ATP8A2: variants seen among roughly 807,000 people sequenced by gnomAD.
ATP8A2 encodes ATPase phospholipid transporting 8A2, also known as phospholipid-transporting ATPase IB.
Under a neutral mutation model 165.6 loss-of-function variants are expected in ATP8A2, and 100 were observed. That is an observed-to-expected ratio of 0.60 (90% CI 0.51 to 0.71). ATP8A2 has a LOEUF of 0.71. ATP8A2 is among the 30% of genes least tolerant of loss of function. The probability of loss-of-function intolerance (pLI) is 0.00; values close to 1 mark genes in which losing one functional copy is unlikely to be tolerated. For missense variants in ATP8A2, 1,227 were observed against 1,479.5 expected (o/e 0.83, Z 2.80); for synonymous variants, 543 against 548.8 (o/e 0.99, Z 0.15).
chr13:25,952,279 A>G (rs1309371374), intron 33 of ATP8A2, among the ~76,000 whole-genome samples: 3 of 152,128 alleles, frequency 2.0e-5, no homozygotes, highest in Non-Finnish European at 4.4e-5. Context: ...TGATTTCGGG[A>G]AATGAAGAAC....
chr13:25,957,133 A>G (rs1246768832), intron 33 of ATP8A2, among the ~76,000 whole-genome samples: 1 of 152,250 alleles, frequency 6.6e-6, no homozygotes, highest in Non-Finnish European at 1.5e-5. Flanking sequence ...AAGATGGATT[A>G]AAGACTTAAA....
intron 1 of ATP8A2, among the ~76,000 whole-genome samples, chr13:25,392,215 AG>A (rs1225872199): frequency 2.6e-5 from 4 of 152,282 alleles, no homozygotes; most frequent in African/African-American, 9.6e-5. Context: ...TTTGCACATC[AG>A]CACATGTCTG....
intron 33 of ATP8A2, among the ~76,000 whole-genome samples, chr13:25,914,792 G>A (rs888025020): frequency 6.6e-6 from 1 of 152,190 alleles, no homozygotes; most frequent in Non-Finnish European, 1.5e-5. Flanking sequence ...CCCCCATGGG[G>A]CTTCTGTCTG....
intron 10 of ATP8A2, 24 bp from the exon 11 acceptor site, chr13:25,551,313 AC>A (rs1424728792): frequency 6.2e-7 from 1 of 1,601,092 alleles, no homozygotes; most frequent in East Asian, 2.2e-5. Context: ...TGTGACCCTT[AC>A]TGACTTTCAA....
chr13:25,396,999 A>G (rs953568545), intron 1 of ATP8A2, among the ~76,000 whole-genome samples: 4 of 151,938 alleles, frequency 2.6e-5, no homozygotes, highest in South Asian at 2.1e-4. Flanking sequence ...CCCAAGGCGG[A>G]TGGAGTCTTG....
At chr13:25,954,396 G>C (rs1438318412) in intron 33 of ATP8A2, among the ~76,000 whole-genome samples, 1 of 152,210 alleles carries the variant, frequency 6.6e-6, no homozygotes, top group Non-Finnish European at 1.5e-5. Flanking sequence ...CCCTGGGACA[G>C]AGCACCTGGG....
In ATP8A2 at chr13:25,549,414, C is replaced by G. The variant is rs183748407; in HGVS notation, c.892-1924C>G. On this transcript the variant is annotated intron_variant, in intron 10 of 36. Coordinates refer to ENST00000381655, the MANE Select transcript of ATP8A2 (RefSeq NM_016529.6). ...GGCAGAGGTTGCAGTGAGCCGAGATCGCACCACTGCACTCCAGCCTGGGCA... is the reference window on the plus strand; with the variant it reads ...GGCAGAGGTTGCAGTGAGCCGAGATGGCACCACTGCACTCCAGCCTGGGCA... Among the ~76,000 whole-genome samples, 480 of 149,948 alleles carry G rather than the reference C, an allele frequency of 3.2e-3. 4 individuals are homozygous for G. The highest frequency in any genetic ancestry group is 0.011 in the African/African-American group (456 of 40,488).
At chr13:25,651,270 C>A (rs1347406605) in intron 24 of ATP8A2, among the ~76,000 whole-genome samples, 2 of 152,104 alleles carry the variant, frequency 1.3e-5, no homozygotes, top group Admixed American at 1.3e-4. Flanking sequence ...TGGTGAAAAC[C>A]CATCTCTACT....
chr13:25,640,128 C>T (rs888666084), intron 24 of ATP8A2, among the ~76,000 whole-genome samples: 4 of 151,990 alleles, frequency 2.6e-5, no homozygotes, highest in African/African-American at 7.2e-5. Context: ...ATTTATAGCA[C>T]TAAATGCCCA....
At chr13:25,753,863 A>C (rs879621574) in intron 25 of ATP8A2, among the ~76,000 whole-genome samples, 9 of 152,246 alleles carry the variant, frequency 5.9e-5, no homozygotes, top group Admixed American at 3.3e-4. Context: ...AGCATCTGGA[A>C]GAAATAGAAA....
intron 6 of ATP8A2, among the ~76,000 whole-genome samples, chr13:25,536,447 A>C (rs2038288665): frequency 6.6e-6 from 1 of 152,204 alleles, no homozygotes; most frequent in Non-Finnish European, 1.5e-5. Flanking sequence ...AAACACTTTC[A>C]ATTGACATAA....
chr13:25,586,978 A>G (rs1384953786), intron 23 of ATP8A2, among the ~76,000 whole-genome samples: 1 of 152,188 alleles, frequency 6.6e-6, no homozygotes, highest in African/African-American at 2.4e-5. Flanking sequence ...AGAAAGACTA[A>G]ACCCTTTTGT....
intron 25 of ATP8A2, among the ~76,000 whole-genome samples, chr13:25,707,224 G>GA (rs999024875): frequency 4.2e-4 from 64 of 151,700 alleles, no homozygotes; most frequent in African/African-American, 1.5e-3. Flanking sequence ...TACAGCTTAG[G>GA]AAAAAAAACA....
chr13:25,959,240 C>T (rs571085889), intron 33 of ATP8A2, among the ~76,000 whole-genome samples: 26 of 152,282 alleles, frequency 1.7e-4, no homozygotes, highest in African/African-American at 6.0e-4. Context: ...TGCCAAAATA[C>T]ATGTGTTCTG....
intron 24 of ATP8A2, among the ~76,000 whole-genome samples, chr13:25,688,346 G>T (rs115508301): frequency 6.6e-6 from 1 of 151,354 alleles, no homozygotes; most frequent in African/African-American, 2.4e-5. Flanking sequence ...CCACCCTCAC[G>T]CACCCTAGTT....
intron 10 of ATP8A2, among the ~76,000 whole-genome samples, chr13:25,549,887 T>G (rs2038766905): frequency 6.6e-6 from 1 of 151,366 alleles, no homozygotes; most frequent in Admixed American, 6.6e-5. Context: ...TCAGAAAGCT[T>G]CTCCCTTTTG....
intron 27 of ATP8A2, among the ~76,000 whole-genome samples, chr13:25,810,531 A>G (rs1326533598): frequency 6.6e-6 from 1 of 151,914 alleles, no homozygotes; most frequent in Non-Finnish European, 1.5e-5. Context: ...TTAAGGAAAA[A>G]AAAAACAAAA....
At chr13:25,977,347 G>A (rs969583668) in intron 35 of ATP8A2, among the ~76,000 whole-genome samples, 2 of 152,168 alleles carry the variant, frequency 1.3e-5, no homozygotes, top group Non-Finnish European at 1.5e-5. Context: ...GGCAAGGCCA[G>A]TTAAAGCTCT....
chr13:25,954,491 G>C (rs991390449), intron 33 of ATP8A2, among the ~76,000 whole-genome samples: 4 of 152,322 alleles, frequency 2.6e-5, no homozygotes, highest in Admixed American at 6.5e-5. Context: ...CCTCCCAGCA[G>C]AGCACTAGAG....
Sources: gnomAD v4.1 joint callset for allele counts (sites outside exome capture counted in the v4.1 genomes callset) on GRCh38, gnomAD v4.1.1 for gene constraint, MANE v1.5 for transcripts, NCBI Gene and HGNC (gene_info 2026-07-23, HGNC 2026-07-21) for gene names.